The following ERBB4 variants were observed in gnomAD, a reference collection of about 807,000 sequenced individuals.
ERBB4 encodes receptor tyrosine-protein kinase erbB-4.
A neutral mutation model predicts 158.0 loss-of-function variants in ERBB4; 42 were observed. The observed-to-expected ratio is 0.27, with a 90% CI of 0.21 to 0.34. The LOEUF is 0.34. Among genes scored for constraint, ERBB4 ranks in the 10% least tolerant of loss-of-function variants. The pLI is 1.00. For missense variants in ERBB4, 1,333 were observed against 1,624.1 expected (o/e 0.82, Z 3.08); for synonymous variants, 583 against 558.7 (o/e 1.04, Z -0.61).
intron 3 of ERBB4, among the ~76,000 whole-genome samples, chr2:211,941,005 T>C (rs149018787): frequency 0.034 from 5,102 of 152,258 alleles, 120 homozygotes; most frequent in Middle Eastern, 0.088. Flanking sequence ...TATCGACTGG[T>C]ATTAATACAT....
At chr2:212,496,702 T>C (rs1690593056) in intron 1 of ERBB4, among the ~76,000 whole-genome samples, 1 of 152,180 alleles carries the variant, frequency 6.6e-6, no homozygotes, top group Non-Finnish European at 1.5e-5. Flanking sequence ...AGAAAATTTG[T>C]CAGTCTCCGT....
intron 12 of ERBB4, among the ~76,000 whole-genome samples, chr2:211,701,552 C>A (rs896222603): frequency 6.6e-6 from 1 of 151,734 alleles, no homozygotes; most frequent in Non-Finnish European, 1.5e-5. Flanking sequence ...GTCAGGAAAT[C>A]GGGACCATCC....
rs1158094019 is a variant in ERBB4 at position 211,753,735 on chromosome 2, T to TTA, written c.557-3033_557-3032dup. Among the ~76,000 whole-genome samples, 367 of 148,078 alleles carry TTA rather than the reference T, an allele frequency of 2.5e-3. 1 individual carries two copies. The highest frequency in any genetic ancestry group is 7.0e-3 in the African/African-American group (284 of 40,436). On this transcript the variant is annotated intron_variant, in intron 4 of 27. Transcript: ENST00000342788. ...GCACAGGCTTCGATATGTCCCTTGT[T>TTA]TATATATATATATTTAATATATATA...
intron 2 of ERBB4, among the ~76,000 whole-genome samples, chr2:212,105,674 A>G (rs1348143122): frequency 1.3e-5 from 2 of 152,220 alleles, no homozygotes; most frequent in Non-Finnish European, 2.9e-5. Flanking sequence ...ACAATCTAAT[A>G]TCAACTCAAG....
At chr2:212,426,272 T>C (rs752844803) in intron 1 of ERBB4, 1 of 481,698 alleles carries the variant, frequency 2.1e-6, no homozygotes, top group South Asian at 1.6e-5. Context: ...CACTAAAATA[T>C]TAGGTTGGTG....
chr2:212,298,764 C>T (rs1304472742), intron 1 of ERBB4, among the ~76,000 whole-genome samples: 1 of 151,592 alleles, frequency 6.6e-6, no homozygotes. Flanking sequence ...AAATCAGACG[C>T]AATAGCAAAA....
intron 20 of ERBB4, among the ~76,000 whole-genome samples, chr2:211,520,240 G>T (rs1308222818): frequency 6.6e-6 from 1 of 152,102 alleles, no homozygotes; most frequent in Admixed American, 6.5e-5. Flanking sequence ...TGCATTTCCA[G>T]ATTTTATCAA....
chr2:211,723,840 A>C (rs1174879470), intron 6 of ERBB4, among the ~76,000 whole-genome samples: 2 of 152,230 alleles, frequency 1.3e-5, no homozygotes, highest in Non-Finnish European at 2.9e-5. Context: ...AATGTAACTT[A>C]CACCAAGGCC....
At chr2:211,992,706 A>G (rs1396610967) in intron 2 of ERBB4, among the ~76,000 whole-genome samples, 1 of 152,158 alleles carries the variant, frequency 6.6e-6, no homozygotes, top group Admixed American at 6.5e-5. Context: ...GACAGAAAGA[A>G]AATTGTGGAC....
chr2:211,888,977 C>G (rs966981631), intron 3 of ERBB4, among the ~76,000 whole-genome samples: 1 of 149,180 alleles, frequency 6.7e-6, no homozygotes, highest in East Asian at 1.9e-4. Context: ...GGGGGAGGGG[C>G]GCCCGCCATT....
At chr2:211,510,894 T>C (rs533576469) in intron 20 of ERBB4, among the ~76,000 whole-genome samples, 2 of 152,172 alleles carry the variant, frequency 1.3e-5, no homozygotes, top group South Asian at 2.1e-4. Context: ...TGCTAGAGTA[T>C]ATTTATATCT....
chr2:212,269,701 A>C (rs2106114286), intron 1 of ERBB4, among the ~76,000 whole-genome samples: 2 of 151,956 alleles, frequency 1.3e-5, no homozygotes, highest in Non-Finnish European at 2.9e-5. Context: ...AGAGTCAAGA[A>C]TTGTAATACT....
intron 2 of ERBB4, among the ~76,000 whole-genome samples, chr2:212,049,882 A>G (rs935588876): frequency 6.6e-6 from 1 of 152,200 alleles, no homozygotes; most frequent in South Asian, 2.1e-4. Flanking sequence ...TATGCTATGT[A>G]CTACTTTCCA....
intron 3 of ERBB4, among the ~76,000 whole-genome samples, chr2:211,880,004 T>C (rs914786761): frequency 6.6e-6 from 1 of 150,730 alleles, no homozygotes; most frequent in African/African-American, 2.4e-5. Flanking sequence ...AATATATAAA[T>C]AAAGCATAAT....
intron 1 of ERBB4, among the ~76,000 whole-genome samples, chr2:212,433,088 T>C (rs1182383655): frequency 6.6e-6 from 1 of 152,066 alleles, no homozygotes; most frequent in East Asian, 1.9e-4. Context: ...ACAAATCCGA[T>C]ACTACAGTAT....
intron 1 of ERBB4, among the ~76,000 whole-genome samples, chr2:212,260,201 C>T (rs541280429): frequency 6.6e-6 from 1 of 151,970 alleles, no homozygotes; most frequent in East Asian, 1.9e-4. Flanking sequence ...TTAAATGAAA[C>T]TGTCTGGCAA....
chr2:212,202,074 G>T (rs1298835040), intron 1 of ERBB4, among the ~76,000 whole-genome samples: 1 of 152,246 alleles, frequency 6.6e-6, no homozygotes, highest in East Asian at 1.9e-4. Flanking sequence ...TACCAATTCG[G>T]TTACAAAGCT....
intron 5 of ERBB4, among the ~76,000 whole-genome samples, chr2:211,734,909 C>CGAAAAA: frequency 2.9e-5 from 2 of 69,286 alleles, no homozygotes; most frequent in East Asian, 1.1e-3. Context: ...GAGACTCTGT[C>CGAAAAA]AAAAAAAAAA....
At chr2:211,393,079 A>G (rs1326193138) in intron 25 of ERBB4, among the ~76,000 whole-genome samples, 1 of 152,216 alleles carries the variant, frequency 6.6e-6, no homozygotes, top group African/African-American at 2.4e-5. Flanking sequence ...AATATGAACA[A>G]GAGTCAAGAC....
Sources: allele counts gnomAD v4.1 joint callset (sites outside exome capture counted in the v4.1 genomes callset), GRCh38; gene constraint gnomAD v4.1.1; transcripts MANE v1.5; gene names NCBI Gene and HGNC (gene_info 2026-07-23, HGNC 2026-07-21).